The following CLCN2 variants were observed in gnomAD, a reference collection of about 807,000 sequenced individuals.
CLCN2 encodes chloride voltage-gated channel 2, also known as chloride channel protein 2.
CLCN2 carries 72 observed loss-of-function variants against 108.3 expected under a neutral mutation model. The observed-to-expected ratio is 0.66, with a 90% CI of 0.55 to 0.81. The LOEUF (loss-of-function observed/expected upper bound fraction) is 0.81, where lower values mean the gene tolerates loss of function less well. Ranked by LOEUF, CLCN2 falls within the 30% of genes least tolerant of loss-of-function variation. The pLI is 0.00. For missense variants in CLCN2, 1,048 were observed against 1,205.2 expected (o/e 0.87, Z 1.93); for synonymous variants, 471 against 467.1 (o/e 1.01, Z -0.11).
chr3:184,353,306 A>G lies in CLCN2; in HGVS notation c.1972T>C (p.Ser658Pro). ...GGACCCTCCTGATCAGATAGTGGAG[A>G]GGTCTGGGTGGCTCTGCGCTCCTGC... ...HMQERRATQT[S>P]PLSDQEGPPT... is the part of the protein sequence containing the mutation. The change falls in exon 17 of 24, where the codon TCT becomes CCT. Residue 658 changes from serine to proline, a missense_variant. Ser to Pro is a moderately conservative substitution (Grantham distance 74). Coordinates refer to ENST00000265593, the MANE Select transcript of CLCN2 (RefSeq NM_004366.6). 1 of 1,613,614 alleles carries G rather than the reference A, an allele frequency of 6.2e-7. No individual in the cohort carries two copies. The highest frequency in any genetic ancestry group is 8.5e-7 in the Non-Finnish European group (1 of 1,179,984).
intron 22 of CLCN2, among the ~76,000 whole-genome samples, chr3:184,350,255 T>TG: frequency 6.6e-6 from 1 of 152,282 alleles, no homozygotes; most frequent in South Asian, 2.1e-4. Flanking sequence ...AGGGACAACA[T>TG]GGCCTTCTGA....
chr3:184,352,313 C>T lies in CLCN2; in HGVS notation c.2290G>A (p.Gly764Ser), dbSNP rs760016814. ...CTTACCTCTTCAGGGCTCATCTCGCCTTCCAGGTCCGCGTCACTCTAGTAG... is the reference window on the plus strand; with the variant it reads ...CTTACCTCTTCAGGGCTCATCTCGCTTTCCAGGTCCGCGTCACTCTAGTAG... ...ISLASDADLE[G>S]EMSPEEILEW... is the part of the protein sequence containing the mutation. The change falls in exon 21 of 24, where the codon GGC becomes AGC. Residue 764 changes from glycine (G) to serine (S), a missense_variant. Transcript: ENST00000265593. The T allele has an allele frequency of 3.7e-6, 6 of 1,613,668 alleles. No homozygotes were observed. Among genetic ancestry groups the T allele is most frequent in the Non-Finnish European group, 5.1e-6 (6 of 1,180,016 alleles).
chr3:184,357,088 A>G lies in CLCN2; in HGVS notation c.990T>C (p.Ala330=), dbSNP rs747239579. 2 of 1,613,508 alleles carry G rather than the reference A, an allele frequency of 1.2e-6. No homozygotes were observed. Among genetic ancestry groups the G allele is most frequent in the Non-Finnish European group, 1.7e-6 (2 of 1,179,654 alleles). ...CAAAGAGGGCTCCACCGAAGCCACTAGCAATACTGGAAAGGGAAGAGGCAC... is the reference window on the plus strand; with the variant it reads ...CAAAGAGGGCTCCACCGAAGCCACTGGCAATACTGGAAAGGGAAGAGGCAC... ...ELPAFAVIGI[A]SGFGGALFVY... is the part of the protein sequence containing the mutation. Residue 330 remains alanine (A), a synonymous_variant, in exon 10 of 24, where the codon GCT becomes GCC. Transcript: ENST00000265593.
chr3:184,347,410 C>G, intron 22 of CLCN2: 1 of 349,604 alleles, frequency 2.9e-6, no homozygotes, highest in Non-Finnish European at 5.6e-6. Flanking sequence ...GAGAACTAAG[C>G]ATTAGGAGAA....
Position 184,346,542 on chromosome 3 carries a change from T to A in CLCN2, c.*64A>T. ...TCCTGCCTTCCGAAGGCAGAAGGAATGAAAGATGCACATTCTGGGCTGACG... is the reference window on the plus strand; with the variant it reads ...TCCTGCCTTCCGAAGGCAGAAGGAAAGAAAGATGCACATTCTGGGCTGACG... On this transcript the variant is annotated 3_prime_UTR_variant, in exon 24 of 24. Coordinates refer to ENST00000265593, the MANE Select transcript of CLCN2 (RefSeq NM_004366.6). This position sits in a 1 kb window ranked among gnomAD's most constrained non-coding sequence, Gnocchi z 6.0. 6.3e-7 allele frequency: 1 copy of A among 1,584,618 alleles called. No homozygotes were observed. Among genetic ancestry groups the A allele is most frequent in the Non-Finnish European group, 8.6e-7 (1 of 1,158,428 alleles).
At chr3:184,347,873 T>A (rs1727800858) in intron 22 of CLCN2, 1 of 152,258 alleles carries the variant, frequency 6.6e-6, no homozygotes, top group Non-Finnish European at 1.5e-5. Flanking sequence ...GTTCAGAAAT[T>A]GTCAGCCAGT....
chr3:184,355,178 GATC>G lies in CLCN2; in HGVS notation c.1326+193_1326+195del. On this transcript the variant is annotated intron_variant, in intron 12 of 23. Transcript: ENST00000265593. This position sits in a 1 kb window ranked among gnomAD's most constrained non-coding sequence, Gnocchi z 6.3. ...TCTGGAAGCAGATGGCTTGGGTTCAGATCATCGCTCTGCCCTCTAGCTGTGTGA... is the reference window on the plus strand; with the variant it reads ...TCTGGAAGCAGATGGCTTGGGTTCAGATCGCTCTGCCCTCTAGCTGTGTGA... The G allele has an allele frequency of 1.3e-6, 1 of 792,630 alleles. No individual in the cohort carries two copies. The highest frequency in any genetic ancestry group is 1.5e-5 in the South Asian group (1 of 65,018). The allele number at this position is 792,630 out of a possible 1,614,324, so 49.1% of individuals were successfully genotyped here.
At position 184,357,191 on chromosome 3, in the gene CLCN2, G is replaced by A. The variant is rs1173120241; in HGVS notation, c.974C>T (p.Ala325Val). 3 of 1,613,774 alleles carry A rather than the reference G, an allele frequency of 1.9e-6. No homozygotes were observed. The South Asian group carries it at 3.3e-5, about 18-fold the overall frequency. Residue 325 changes from alanine (A) to valine (V), a missense_variant, in exon 9 of 24, where the codon GCT becomes GTT. Transcript: ENST00000265593. ...CCCCTCAGCTCCTCACCCAATGACA[G>A]CAAAGGCTGGCAGCTCCTGCAGGTC... ...PFDLQELPAF[A>V]VIGIASGFGG...
chr3:184,354,846 G>T lies in CLCN2; in HGVS notation c.1396+58C>A, dbSNP rs1006542986. On this transcript the variant is annotated intron_variant, in intron 13 of 23. Coordinates refer to ENST00000265593, the MANE Select transcript of CLCN2 (RefSeq NM_004366.6). ...GCTCTTGGGCAGAGGGTTGGCTGGG[G>T]GGGTGGCCAGAGGCTGAGGAAGGTG... 8 of 1,567,204 alleles carry T rather than the reference G, an allele frequency of 5.1e-6. No individual in the cohort carries two copies. The Admixed American group carries it at 1.2e-4, about 23-fold the overall frequency.
chr3:184,348,310 G>GC (rs1727838871), intron 22 of CLCN2: 1 of 152,046 alleles, frequency 6.6e-6, no homozygotes, highest in African/African-American at 2.4e-5. Context: ...AGACTAGCCT[G>GC]CAATATGCGA....
chr3:184,356,134 C>CCA, intron 10 of CLCN2: 1 of 350,022 alleles, frequency 2.9e-6, no homozygotes, highest in Non-Finnish European at 5.5e-6. Flanking sequence ...GGAGAAGTTT[C>CCA]TGCCTCTCTT....
intron 22 of CLCN2, chr3:184,348,553 G>A (rs1327890992): frequency 1.3e-5 from 2 of 151,742 alleles, no homozygotes; most frequent in Non-Finnish European, 2.9e-5. Context: ...GTTGTCATGT[G>A]GTTAGCGATT....
In CLCN2 at chr3:184,358,745, G is replaced by A. The variant is rs1255755755; in HGVS notation, c.289C>T (p.Leu97=). The A allele has an allele frequency of 1.2e-6, 2 of 1,604,176 alleles. No homozygotes were observed. Among genetic ancestry groups the A allele is most frequent in the Admixed American group, 3.4e-5 (2 of 58,586 alleles). ...VGEDWIFLVL[L]GLLMALVSWV... ...CTGACCAATGCCATGAGAAGCCCCAGCAGGACCAGGAAGATCCAATCTTCA... is the reference window on the plus strand; with the variant it reads ...CTGACCAATGCCATGAGAAGCCCCAACAGGACCAGGAAGATCCAATCTTCA... The change falls in exon 3 of 24, where the codon CTG becomes TTG. Residue 97 remains leucine (L), a synonymous_variant. Transcript: ENST00000265593.
At chr3:184,349,914 G>A (rs894509691) in intron 22 of CLCN2, among the ~76,000 whole-genome samples, 1 of 152,104 alleles carries the variant, frequency 6.6e-6, no homozygotes, top group South Asian at 2.1e-4. Flanking sequence ...CTTATTAGCC[G>A]GCACAGCGAT....
Position 184,354,596 on chromosome 3 carries a change from T to C in CLCN2, c.1459A>G (p.Thr487Ala), listed in dbSNP as rs779977170. The change falls in exon 14 of 24, where the codon ACG becomes GCG. Residue 487 changes from threonine (T) to alanine (A), a missense_variant. Thr to Ala is a moderately conservative substitution (Grantham distance 58, BLOSUM62 0). Coordinates refer to ENST00000265593, the MANE Select transcript of CLCN2 (RefSeq NM_004366.6). ...MAAWFPDGIH[T>A]DSSTYRIVPG... ...ACAATCCGGTAGGTGCTGCTGTCCGTATGAATTCCATCTGGGAACCAGGCA... is the reference window on the plus strand; with the variant it reads ...ACAATCCGGTAGGTGCTGCTGTCCGCATGAATTCCATCTGGGAACCAGGCA... 1 of 1,601,692 alleles carries C rather than the reference T, an allele frequency of 6.2e-7. No individual in the cohort carries two copies. The highest frequency in any genetic ancestry group is 8.5e-7 in the Non-Finnish European group (1 of 1,174,686).
intron 22 of CLCN2, among the ~76,000 whole-genome samples, chr3:184,351,663 G>GT (rs1346595185): frequency 6.6e-6 from 1 of 152,138 alleles, no homozygotes; most frequent in African/African-American, 2.4e-5. Flanking sequence ...CCGCATGGGC[G>GT]TATCAACCTT....
chr3:184,352,046 G>T lies in CLCN2; in HGVS notation c.2382C>A (p.Pro794=). 6 of 1,613,848 alleles carry T rather than the reference G, an allele frequency of 3.7e-6. No homozygotes were observed. The highest frequency in any genetic ancestry group is 5.1e-6 in the Non-Finnish European group (6 of 1,179,900). Residue 794 remains proline (P), a synonymous_variant, in exon 22 of 24, where the codon CCC becomes CCA. Coordinates refer to ENST00000265593, the MANE Select transcript of CLCN2 (RefSeq NM_004366.6). ...NFSDCKIDPA[P]FQLVERTSLH... ...AAGAGGTCCGCTCCACCAGCTGGAA[G>T]GGAGCAGGATCAATTTTGCAGTCAC...
Position 184,355,156 on chromosome 3 carries a change from G to A in CLCN2, c.1327-183C>T. ...AGGTGATGGCAAGGGGAAGGACTCT[G>A]GAAGCAGATGGCTTGGGTTCAGATC... On this transcript the variant is annotated intron_variant, in intron 12 of 23. Coordinates refer to ENST00000265593, the MANE Select transcript of CLCN2 (RefSeq NM_004366.6). This position sits in a 1 kb window ranked among gnomAD's most constrained non-coding sequence, Gnocchi z 6.3. 1.3e-6 allele frequency: 1 copy of A among 773,444 alleles called. No homozygotes were observed. Among genetic ancestry groups the A allele is most frequent in the African/African-American group, 1.7e-5 (1 of 58,290 alleles). 47.9% of individuals were successfully genotyped at this position (773,444 alleles called of 1,614,324 possible).
rs1333534790 is a variant in CLCN2, at chr3:184,353,374, A to G, written c.1904T>C (p.Leu635Ser). ...GGCTGGGCTCAGCTGGGCCCCCAAC[A>G]ATGCCACCACCTGTGAACGCTCGAT... ...GSIERSQVVA[L>S]LGAQLSPARR... The change falls in exon 17 of 24, where the codon TTG becomes TCG. Residue 635 changes from leucine to serine, a missense_variant. Coordinates refer to ENST00000265593, the MANE Select transcript of CLCN2 (RefSeq NM_004366.6). The G allele has an allele frequency of 6.2e-7, 1 of 1,612,916 alleles. No homozygotes were observed. The highest frequency in any genetic ancestry group is 1.1e-5 in the South Asian group (1 of 91,070).
Sources: allele counts gnomAD v4.1 joint callset (sites outside exome capture counted in the v4.1 genomes callset), GRCh38; gene constraint gnomAD v4.1.1; non-coding constraint Gnocchi (gnomAD v3.1); transcripts MANE v1.5; gene names NCBI Gene and HGNC (gene_info 2026-07-23, HGNC 2026-07-21).